CLCN2: variants seen among roughly 807,000 people sequenced by gnomAD.
The protein encoded by CLCN2 is chloride channel protein 2.
In CLCN2, 72 loss-of-function variants were observed where a neutral mutation model predicts 108.3. That is an observed-to-expected ratio of 0.66 (90% CI 0.55 to 0.81). The LOEUF is 0.81. Among genes scored for constraint, CLCN2 ranks in the 30% least tolerant of loss-of-function variants. CLCN2 has a pLI of 0.00. For missense variants in CLCN2, 1,048 were observed against 1,205.2 expected, an observed-to-expected ratio of 0.87 and a Z score of 1.93; for synonymous variants, 471 against 467.1, an observed-to-expected ratio of 1.01 and a Z score of -0.11.
chr3:184,354,477 G>A (rs955159941), intron 14 of CLCN2, 71 bp downstream of exon 14: 7 of 1,367,610 alleles, frequency 5.1e-6, no homozygotes, highest in Non-Finnish European at 7.3e-6. Flanking sequence ...GGGGGCACCA[G>A]AGTCTCGGAC....
At position 184,352,130 on chromosome 3, in the gene CLCN2, G is replaced by A; in HGVS notation, c.2311-13C>T. 1.2e-6 allele frequency: 2 copies of A among 1,609,862 alleles called. No homozygotes were observed. Among genetic ancestry groups the A allele is most frequent in the Non-Finnish European group, 1.7e-6 (2 of 1,176,184 alleles). On this transcript the variant is annotated splice_polypyrimidine_tract_variant and intron_variant, in intron 21 of 23. Coordinates refer to ENST00000265593, the MANE Select transcript of CLCN2 (RefSeq NM_004366.6). ...CCCACTCCAGAATCTGAGGGGAAGA[G>A]ACTATGAGGTTTAGGGAGAAGGTGC...
chr3:184,357,044 A>G lies in CLCN2; in HGVS notation c.1034T>C (p.Ile345Thr). 1 of 1,613,834 alleles carries G rather than the reference A, an allele frequency of 6.2e-7. No homozygotes were observed. The highest frequency in any genetic ancestry group is 8.5e-7 in the Non-Finnish European group (1 of 1,179,914). ...TTTCTGCTTCCGCATCACCTGGACA[A>G]TCTTCCGGTTCAGGTAGACAAAGAG... ...GALFVYLNRK[I>T]VQVMRKQKTI... Residue 345 changes from isoleucine to threonine, a missense_variant, in exon 10 of 24, where the codon ATT becomes ACT. Transcript: ENST00000265593.
intron 19 of CLCN2, 110 bp from the exon 20 acceptor site, chr3:184,352,606 G>C: frequency 2.1e-6 from 3 of 1,448,098 alleles, no homozygotes; most frequent in South Asian, 1.2e-5. Context: ...CACAGGACCT[G>C]AGCTGACAGC....
chr3:184,359,050 A>T lies in CLCN2; in HGVS notation c.145T>A (p.Trp49Arg). 6.2e-7 allele frequency: 1 copy of T among 1,613,622 alleles called. No homozygotes were observed. Among genetic ancestry groups the T allele is most frequent in the Non-Finnish European group, 8.5e-7 (1 of 1,180,022 alleles). ...GCCCGAGAGGAAGGGGGACCTTTCC[A>T]GGGTTCAGGCCCTCCCAGGCGAATC... Reference protein sequence around the residue: ...ARIRLGGPEPWKGPPSSRAAP... With the variant: ...ARIRLGGPEPRKGPPSSRAAP... Residue 49 changes from tryptophan (W) to arginine (R), a missense_variant, in exon 2 of 24, where the codon TGG becomes AGG. Physicochemically the swap from Trp to Arg is moderately radical, Grantham distance 101. Transcript: ENST00000265593.
chr3:184,353,059 G>A lies in CLCN2; in HGVS notation c.2117C>T (p.Thr706Ile). The change falls in exon 18 of 24, where the codon ACC becomes ATC. Residue 706 changes from threonine (T) to isoleucine (I), a missense_variant. Transcript: ENST00000265593. ...KPALKRGPSV[T>I]RNLGESPTGS... ...TGTGGGACTCTCTCCGAGGTTCCTG[G>A]TGACACTGGGCCCCCTCTTGAGTGC... The A allele has an allele frequency of 6.2e-7, 1 of 1,614,156 alleles. No homozygotes were observed. Among genetic ancestry groups the A allele is most frequent in the South Asian group, 1.1e-5 (1 of 91,084 alleles).
chr3:184,360,467 C>T (rs1711902372), intron 1 of CLCN2, among the ~76,000 whole-genome samples: 1 of 152,026 alleles, frequency 6.6e-6, no homozygotes, highest in East Asian at 1.9e-4. Context: ...GGCCCCTCTA[C>T]CCTTGCTCTA....
rs1249683628 is a variant in CLCN2, at chr3:184,346,816, G to A, written c.2503-16C>T. 16 of 1,613,826 alleles carry A rather than the reference G, an allele frequency of 9.9e-6. No homozygotes were observed. The highest frequency in any genetic ancestry group is 1.3e-5 in the African/African-American group (1 of 74,918). ...CCTTCCGGAGCTGGAAAGGTGAGAG[G>A]GACAGATGTCTGGACCCAGATGTCA... On this transcript the variant is annotated splice_polypyrimidine_tract_variant and intron_variant, in intron 23 of 23. Transcript: ENST00000265593. This position sits in a 1 kb window ranked among gnomAD's most constrained non-coding sequence, Gnocchi z 6.0.
At position 184,354,937 on chromosome 3, in the gene CLCN2, G is replaced by A. The variant is rs1300379179; in HGVS notation, c.1363C>T (p.Pro455Ser). The change falls in exon 13 of 24, where the codon CCC (proline) becomes TCC (serine). Residue 455 changes from proline (P) to serine (S), a missense_variant. By Grantham distance (74) the Pro-to-Ser change is moderately conservative. Transcript: ENST00000265593. ...MSALATTIPVPCGAFMPVFVI... is the reference protein window; with the variant it reads ...MSALATTIPVSCGAFMPVFVI... ...AAGACAGGCATGAAGGCCCCACAGG[G>A]AACTGGGATGGTGGTGGCCAGTGCA... is the stretch of plus-strand genomic sequence containing the variant. 6.2e-7 allele frequency: 1 copy of A among 1,613,938 alleles called. No individual in the cohort carries two copies. The highest frequency in any genetic ancestry group is 1.7e-5 in the Admixed American group (1 of 60,002).
chr3:184,358,099 G>C lies in CLCN2; in HGVS notation c.482-4C>G, dbSNP rs368165351. Reference sequence around the variant, plus strand: ...TTCATCTCAGGGATGCCAGAGCCTGGAGAGGGAACAGTCTCAGGAGAGGCA... The same window carrying C: ...TTCATCTCAGGGATGCCAGAGCCTGCAGAGGGAACAGTCTCAGGAGAGGCA... On this transcript the variant is annotated splice_region_variant and splice_polypyrimidine_tract_variant and intron_variant, in intron 4 of 23. Transcript: ENST00000265593. 3.1e-6 allele frequency: 5 copies of C among 1,613,982 alleles called. No individual in the cohort carries two copies. In the Admixed American group the frequency reaches 5.0e-5, roughly 16 times the overall value.
intron 22 of CLCN2, among the ~76,000 whole-genome samples, chr3:184,351,211 G>A (rs1728065614): frequency 6.6e-6 from 1 of 152,078 alleles, no homozygotes; most frequent in Non-Finnish European, 1.5e-5. Context: ...TCTACCTGCT[G>A]CTTATCCCCT....
chr3:184,352,114 G>T lies in CLCN2; in HGVS notation c.2314C>A (p.Leu772Met). The change falls in exon 22 of 24, where the codon CTG becomes ATG. Residue 772 changes from leucine to methionine, a missense_variant. Physicochemically the swap from Leu to Met is conservative, Grantham distance 15. Transcript: ENST00000265593. Reference sequence around the variant, plus strand: ...TCTAGTTGCTGCTCCTCCCACTCCAGAATCTGAGGGGAAGAGACTATGAGG... The same window carrying T: ...TCTAGTTGCTGCTCCTCCCACTCCATAATCTGAGGGGAAGAGACTATGAGG... Reference protein sequence around the residue: ...LEGEMSPEEILEWEEQQLDEP... With the variant: ...LEGEMSPEEIMEWEEQQLDEP... The T allele has an allele frequency of 1.2e-6, 2 of 1,612,532 alleles. No individual in the cohort carries two copies. The highest frequency in any genetic ancestry group is 1.7e-6 in the Non-Finnish European group (2 of 1,178,658).
intron 10 of CLCN2, chr3:184,356,656 A>G (rs76618073): frequency 3.5e-5 from 9 of 253,530 alleles, no homozygotes; most frequent in Non-Finnish European, 5.4e-5. Context: ...AAAAAAAAAA[A>G]AGAGATCTCA....
chr3:184,351,335 C>T (rs1267259905), intron 22 of CLCN2, among the ~76,000 whole-genome samples: 1 of 152,178 alleles, frequency 6.6e-6, no homozygotes, highest in Non-Finnish European at 1.5e-5. Flanking sequence ...GCAGGCTGCC[C>T]CCCTTAGGAG....
In CLCN2 at chr3:184,358,292, C is replaced by T. The variant is rs768509735; in HGVS notation, c.371G>A (p.Arg124Gln). The T allele has an allele frequency of 1.2e-5, 19 of 1,613,934 alleles. No individual in the cohort carries two copies. The highest frequency in any genetic ancestry group is 8.8e-5 in the South Asian group (8 of 91,090). Residue 124 changes from arginine to glutamine, a missense_variant, in exon 4 of 24, where the codon CGG becomes CAG. Physicochemically the swap from Arg to Gln is conservative, Grantham distance 43 (BLOSUM62 1). Coordinates refer to ENST00000265593, the MANE Select transcript of CLCN2 (RefSeq NM_004366.6). Reference sequence around the variant, plus strand: ...GAGCAAGATGCTGGTGTTCAAGCCCCGGGACATCCACTGCTGGGCTGTGGG... The same window carrying T: ...GAGCAAGATGCTGGTGTTCAAGCCCTGGGACATCCACTGCTGGGCTGTGGG... ...ACLQAQQWMSRGLNTSILLQY... is the reference protein window; with the variant it reads ...ACLQAQQWMSQGLNTSILLQY...
At chr3:184,359,274 G>T in intron 1 of CLCN2, 143 bp from the exon 2 acceptor site, 3 of 1,050,450 alleles carry the variant, frequency 2.9e-6, no homozygotes, top group Non-Finnish European at 4.3e-6. Context: ...TCTGGCCCGA[G>T]GTGTGGGAAC....
chr3:184,357,914 C>T (rs754945593), intron 5 of CLCN2, 48 bp downstream of exon 5: 1 of 1,613,708 alleles, frequency 6.2e-7, no homozygotes, highest in Non-Finnish European at 8.5e-7. Context: ...TTGGCCTGGC[C>T]TCCTCTTCCA....
At position 184,361,569 on chromosome 3, in the gene CLCN2, C is replaced by T; in HGVS notation, c.-90G>A. On this transcript the variant is annotated 5_prime_UTR_variant, in exon 1 of 24. Coordinates refer to ENST00000265593, the MANE Select transcript of CLCN2 (RefSeq NM_004366.6). The surrounding 1 kb of genome is among the most constrained non-coding windows in gnomAD (Gnocchi z 6.6). ...CCGCAAAGTCCGCGCCGGCAGCCGT[C>T]CCGTCCCCGCAGCCCGGGAGGCCGA... The T allele has an allele frequency of 6.9e-7, 1 of 1,449,820 alleles. No individual in the cohort carries two copies. The highest frequency in any genetic ancestry group is 9.5e-7 in the Non-Finnish European group (1 of 1,055,098). 89.8% of individuals were successfully genotyped at this position (1,449,820 alleles called of 1,614,324 possible). A position where few individuals can be genotyped will look rare whatever the true frequency, so the allele number is the denominator to read the frequency against.
At chr3:184,357,941 C>T (rs772526361) in intron 5 of CLCN2, 21 bp downstream of exon 5, 4 of 1,613,766 alleles carry the variant, frequency 2.5e-6, no homozygotes, top group African/African-American at 1.3e-5. Flanking sequence ...GGGACTCCTT[C>T]ATTCCCCAGC....
At chr3:184,358,552 G>T in intron 3 of CLCN2, 130 bp downstream of exon 3, 1 of 1,291,536 alleles carries the variant, frequency 7.7e-7, no homozygotes, top group Non-Finnish European at 1.1e-6. Flanking sequence ...CTGAATCTGG[G>T]CAGTCAGACT....
Sources: allele counts gnomAD v4.1 joint callset (sites outside exome capture counted in the v4.1 genomes callset), GRCh38; gene constraint gnomAD v4.1.1; non-coding constraint Gnocchi (gnomAD v3.1); transcripts MANE v1.5; gene names NCBI Gene and HGNC (gene_info 2026-07-23, HGNC 2026-07-21).